Variants in OPRPN observed in about 807,000 individuals in gnomAD.
OPRPN encodes the protein basic proline-rich lacrimal protein.
In OPRPN, 1 loss-of-function variant was observed where a neutral mutation model predicts 2.2. The observed-to-expected ratio is 0.45, with a 90% CI of 0.16 to 2.15. OPRPN has a LOEUF of 2.15. Among genes scored for constraint, OPRPN ranks in the 30% most tolerant of loss-of-function variants. OPRPN has a pLI of 0.28. For missense variants in OPRPN, 306 were observed against 297.3 expected (o/e 1.03, Z -0.21); for synonymous variants, 126 against 111.5 (o/e 1.13, Z -0.82).
chr4:70,409,554 T>C lies in OPRPN; in HGVS notation c.226T>C (p.Ser76Pro). 3.7e-6 allele frequency: 6 copies of C among 1,613,926 alleles called. No individual in the cohort carries two copies. Among genetic ancestry groups the C allele is most frequent in the Non-Finnish European group, 5.1e-6 (6 of 1,179,934 alleles). The change falls in exon 3 of 3, where the codon TCT (serine) becomes CCT (proline). Residue 76 changes from serine to proline, a missense_variant. Physicochemically the swap from Ser to Pro is moderately conservative, Grantham distance 74. Coordinates refer to ENST00000399575, the MANE Select transcript of OPRPN (RefSeq NM_021225.5). ...VPGRVPPSSF[S>P]RFSQAVILSQ... ...AGGGCGAGTTCCACCATCTTCTTTC[T>C]CTCGATTTAGCCAAGCAGTCATTCT...
chr4:70,401,247 A>T (rs1259391083), intron 2 of OPRPN, among the ~76,000 whole-genome samples: 1 of 152,092 alleles, frequency 6.6e-6, no homozygotes, highest in Non-Finnish European at 1.5e-5. Context: ...CTCATGTTAG[A>T]ATTAAATATT....
chr4:70,408,931 T>C (rs554412036), intron 2 of OPRPN, among the ~76,000 whole-genome samples: 12 of 152,336 alleles, frequency 7.9e-5, no homozygotes, highest in African/African-American at 2.9e-4. Flanking sequence ...AAGTGTTGCA[T>C]GTAATAGTTA....
intron 2 of OPRPN, among the ~76,000 whole-genome samples, chr4:70,404,889 C>G (rs1733054515): frequency 6.6e-6 from 1 of 152,100 alleles, no homozygotes; most frequent in South Asian, 2.1e-4. Flanking sequence ...ATGGAACTCA[C>G]ACATTAAATC....
intron 2 of OPRPN, among the ~76,000 whole-genome samples, chr4:70,400,087 A>C (rs751560822): frequency 5.9e-5 from 9 of 151,962 alleles, no homozygotes; most frequent in Non-Finnish European, 1.3e-4. Flanking sequence ...GAGTAAGATC[A>C]GTTTCCCTAG....
At chr4:70,399,228 G>C (rs565079528) in intron 1 of OPRPN, 43 bp from the exon 2 acceptor site, 2 of 1,428,648 alleles carry the variant, frequency 1.4e-6, no homozygotes, top group South Asian at 2.5e-5. Context: ...AAACACTGTT[G>C]ATCGATTTGG....
intron 2 of OPRPN, among the ~76,000 whole-genome samples, chr4:70,403,160 T>A (rs1367140650): frequency 6.6e-6 from 1 of 152,142 alleles, no homozygotes; most frequent in Non-Finnish European, 1.5e-5. Flanking sequence ...CAAACACTGA[T>A]AAACATGACC....
chr4:70,399,308 G>T lies in OPRPN; in HGVS notation c.23G>T (p.Gly8Val). ...AGAATGAAATTAACTTTCTTCTTGG[G>T]CCTGTTGGCTCTTATTTCATGTTTC... MKLTFFL[G>V]LLALISCFTP... The change falls in exon 2 of 3, where the codon GGC becomes GTC. Residue 8 changes from glycine to valine, a missense_variant. By Grantham distance (109) the Gly-to-Val change is moderately radical. Coordinates refer to ENST00000399575, the MANE Select transcript of OPRPN (RefSeq NM_021225.5). 6.2e-7 allele frequency: 1 copy of T among 1,602,886 alleles called. No homozygotes were observed.
intron 2 of OPRPN, among the ~76,000 whole-genome samples, chr4:70,406,638 AGGC>A (rs1283986156): frequency 1.3e-5 from 2 of 152,136 alleles, no homozygotes; most frequent in African/African-American, 4.8e-5. Flanking sequence ...GCTTTTATGA[AGGC>A]ACAGGGACTA....
Position 70,410,020 on chromosome 4 carries a change from T to TA in OPRPN, c.694dup (p.Ser232LysfsTer6), listed in dbSNP as rs777543582. ...GTTACGACTTCCAACCAAACTATAT[T>TA]AAGCAGCCCAGCCTTTAAAAGTTTT... On this transcript the variant is annotated frameshift_variant, in exon 3 of 3. Transcript: ENST00000399575. LOFTEE classifies it low-confidence loss of function (END_TRUNC). The TA allele has an allele frequency of 2.5e-6, 4 of 1,600,048 alleles. No homozygotes were observed. Among genetic ancestry groups the TA allele is most frequent in the East Asian group, 2.2e-5 (1 of 44,780 alleles).
chr4:70,399,104 A>G (rs1197465054), intron 1 of OPRPN, among the ~76,000 whole-genome samples, 167 bp from the exon 2 acceptor site: 1 of 151,884 alleles, frequency 6.6e-6, no homozygotes, highest in Non-Finnish European at 1.5e-5. Context: ...ATTGCTGTGC[A>G]TCTATGCTGC....
In OPRPN at chr4:70,409,534, G is replaced by T; in HGVS notation, c.206G>T (p.Arg69Leu). 1 of 1,613,764 alleles carries T rather than the reference G, an allele frequency of 6.2e-7. No homozygotes were observed. Among genetic ancestry groups the T allele is most frequent in the Non-Finnish European group, 8.5e-7 (1 of 1,179,914 alleles). The change falls in exon 3 of 3, where the codon CGA (arginine) becomes CTA (leucine). Residue 69 changes from arginine (R) to leucine (L), a missense_variant. Coordinates refer to ENST00000399575, the MANE Select transcript of OPRPN (RefSeq NM_021225.5). ...CTTTCTCTTCCCTTTGTCCCAGGGCGAGTTCCACCATCTTCTTTCTCTCGA... is the reference window on the plus strand; with the variant it reads ...CTTTCTCTTCCCTTTGTCCCAGGGCTAGTTCCACCATCTTCTTTCTCTCGA... ...SPLSLPFVPG[R>L]VPPSSFSRFS...
chr4:70,409,485 T>C lies in OPRPN; in HGVS notation c.157T>C (p.Tyr53His). The change falls in exon 3 of 3, where the codon TAT becomes CAT. Residue 53 changes from tyrosine (Y) to histidine (H), a missense_variant. Coordinates refer to ENST00000399575, the MANE Select transcript of OPRPN (RefSeq NM_021225.5). ...RWVPPSPPPP[Y>H]DSRLNSPLSL... ...GGTTCCACCAAGTCCCCCACCTCCC[T>C]ATGACTCAAGACTTAATTCACCACT... 6.2e-7 allele frequency: 1 copy of C among 1,613,928 alleles called. No individual in the cohort carries two copies. The highest frequency in any genetic ancestry group is 8.5e-7 in the Non-Finnish European group (1 of 1,179,898).
At chr4:70,409,345 A>T in intron 2 of OPRPN, 35 bp from the exon 3 acceptor site, 1 of 1,508,682 alleles carries the variant, frequency 6.6e-7, no homozygotes, top group Non-Finnish European at 8.9e-7. Flanking sequence ...CAAATTTAGA[A>T]ATTTTGTTTT....
chr4:70,401,841 C>T (rs965560789), intron 2 of OPRPN, among the ~76,000 whole-genome samples: 2 of 152,084 alleles, frequency 1.3e-5, no homozygotes, highest in African/African-American at 2.4e-5. Flanking sequence ...GCATTTTTGC[C>T]AATACCTGCC....
In OPRPN at chr4:70,407,616, G is replaced by A. The variant is rs553935931; in HGVS notation, c.52-1764G>A. Among the ~76,000 whole-genome samples the A allele has an allele frequency of 5.3e-5, 8 of 152,308 alleles. No homozygotes were observed. In the South Asian group the frequency reaches 1.0e-3, roughly 20 times the overall value. ...ACCAGCCTTCCTTACTATCTGGCTA[G>A]GAATGGAGAGAGATAAACTAATAAA... On this transcript the variant is annotated intron_variant, in intron 2 of 2. Transcript: ENST00000399575.
rs1037808012 is a variant in OPRPN at position 70,409,545 on chromosome 4, T to C, written c.217T>C (p.Ser73Pro). 6 of 1,613,892 alleles carry C rather than the reference T, an allele frequency of 3.7e-6. No homozygotes were observed. Among genetic ancestry groups the C allele is most frequent in the African/African-American group, 1.3e-5 (1 of 74,990 alleles). The change falls in exon 3 of 3, where the codon TCT (serine) becomes CCT (proline). Residue 73 changes from serine (S) to proline (P), a missense_variant. Transcript: ENST00000399575. ...CTTTGTCCCAGGGCGAGTTCCACCA[T>C]CTTCTTTCTCTCGATTTAGCCAAGC... is the stretch of plus-strand genomic sequence containing the variant. ...LPFVPGRVPP[S>P]SFSRFSQAVI...
intron 2 of OPRPN, 58 bp from the exon 3 acceptor site, chr4:70,409,322 A>C: frequency 7.3e-7 from 1 of 1,374,594 alleles, no homozygotes; most frequent in African/African-American, 1.5e-5. Flanking sequence ...CTAATGTTTG[A>C]ACTTTAAATG....
intron 1 of OPRPN, among the ~76,000 whole-genome samples, 195 bp from the exon 2 acceptor site, chr4:70,399,076 A>C (rs1732918418): frequency 1.3e-5 from 2 of 151,908 alleles, no homozygotes; most frequent in Non-Finnish European, 2.9e-5. Context: ...TTAAAAAAAA[A>C]ATCACAAACA....
chr4:70,399,149 G>T, intron 1 of OPRPN, 122 bp from the exon 2 acceptor site: 1 of 589,302 alleles, frequency 1.7e-6, no homozygotes, highest in Non-Finnish European at 2.9e-6. Context: ...CATCTTTAAA[G>T]GTTATGTTGG....
Sources: allele counts gnomAD v4.1 joint callset (sites outside exome capture counted in the v4.1 genomes callset), GRCh38; gene constraint gnomAD v4.1.1; transcripts MANE v1.5; gene names NCBI Gene and HGNC (gene_info 2026-07-23, HGNC 2026-07-21).